CCBE1: variants seen among roughly 807,000 people sequenced by gnomAD.
CCBE1 encodes the protein collagen and calcium binding EGF domains 1.
A neutral mutation model predicts 50.0 loss-of-function variants in CCBE1; 37 were observed. The observed-to-expected ratio is 0.74, with a 90% confidence interval of 0.57 to 0.97. The LOEUF is 0.97. Among genes scored for constraint, CCBE1 ranks in the 50% least tolerant of loss-of-function variants. The probability of loss-of-function intolerance (pLI) is 0.00; values close to 1 mark genes in which losing one functional copy is unlikely to be tolerated. For synonymous variants in CCBE1, 234 were observed against 203.7 expected (o/e 1.15, Z -1.27); for missense variants, 538 against 523.8 (o/e 1.03, Z -0.26).
chr18:59,474,888 AT>A (rs1178379535), intron 3 of CCBE1, among the ~76,000 whole-genome samples: 2 of 152,134 alleles, frequency 1.3e-5, no homozygotes, highest in East Asian at 3.9e-4. Flanking sequence ...AACCTTTTGG[AT>A]TGTGCTAAGC....
rs763945366 is a variant in CCBE1 at position 59,447,997 on chromosome 18, C to G, written c.761G>C (p.Gly254Ala). Reference protein sequence around the residue: ...YLPGPPGLPGGQGPPGSPGPK... With the variant: ...YLPGPPGLPGAQGPPGSPGPK... The stretch of plus-strand genomic sequence containing the variant: ...TCCACACTCACCGGGAGGGCCCTGG[C>G]CCCCAGGCAGGCCAGGAGGTCCTGG... Residue 254 changes from glycine to alanine, a missense_variant, in exon 7 of 11, where the codon GGC (glycine) becomes GCC (alanine). By Grantham distance (60) the Gly-to-Ala change is moderately conservative. Coordinates refer to ENST00000439986, the MANE Select transcript of CCBE1 (RefSeq NM_133459.4). 1.2e-6 allele frequency: 2 copies of G among 1,613,534 alleles called. No individual in the cohort carries two copies. Among genetic ancestry groups the G allele is most frequent in the Non-Finnish European group, 1.7e-6 (2 of 1,179,470 alleles).
At chr18:59,594,879 C>T (rs185346755) in intron 2 of CCBE1, among the ~76,000 whole-genome samples, 15 of 151,960 alleles carry the variant, frequency 9.9e-5, no homozygotes, top group Admixed American at 2.0e-4. Flanking sequence ...TTTGGGAGGC[C>T]GAGGAGGGTG....
In CCBE1 at chr18:59,435,545, C is replaced by A; in HGVS notation, c.*363G>T. On this transcript the variant is annotated 3_prime_UTR_variant, in exon 11 of 11. Transcript: ENST00000439986. ...TCTTAGAGCTCACTTTGTCATTTTC[C>A]CCCTTTTGATACTCTGCCAAATTTA... The A allele has an allele frequency of 3.2e-6, 1 of 309,546 alleles. No homozygotes were observed. The highest frequency in any genetic ancestry group is 6.2e-6 in the Non-Finnish European group (1 of 161,712). The allele number at this position is 309,546 out of a possible 1,614,324, so 19.2% of individuals were successfully genotyped here.
At chr18:59,542,097 C>T (rs1277305834) in intron 2 of CCBE1, among the ~76,000 whole-genome samples, 2 of 150,402 alleles carry the variant, frequency 1.3e-5, no homozygotes, top group African/African-American at 4.9e-5. Context: ...TCACCTGAGC[C>T]CAGGAGGTCG....
intron 6 of CCBE1, among the ~76,000 whole-genome samples, chr18:59,450,295 C>G (rs532346039): frequency 6.6e-6 from 1 of 152,282 alleles, no homozygotes; most frequent in South Asian, 2.1e-4. Flanking sequence ...AGAGCTCTTT[C>G]TAGATGGATG....
intron 2 of CCBE1, among the ~76,000 whole-genome samples, chr18:59,597,575 GTAGAAGAAAGGTGAGTTGGTTA>G (rs2053371528): frequency 6.6e-6 from 1 of 152,084 alleles, no homozygotes; most frequent in Non-Finnish European, 1.5e-5. Flanking sequence ...AGTAGTAGTA[GTAGAAGAAAGGTGAGTTGGTTA>G]ATGAAGAAAA....
At chr18:59,565,586 T>C (rs753612893) in intron 2 of CCBE1, among the ~76,000 whole-genome samples, 26 of 152,278 alleles carry the variant, frequency 1.7e-4, no homozygotes, top group Non-Finnish European at 3.1e-4. Context: ...GTAATTTGCC[T>C]GGCCCAGTGC....
chr18:59,547,480 AG>A, intron 2 of CCBE1, among the ~76,000 whole-genome samples: 1 of 152,116 alleles, frequency 6.6e-6, no homozygotes, highest in Non-Finnish European at 1.5e-5. Context: ...CCCCAGGGAG[AG>A]GGCAGCTTTG....
At chr18:59,647,117 G>T (rs751940414) in intron 2 of CCBE1, among the ~76,000 whole-genome samples, 1 of 152,178 alleles carries the variant, frequency 6.6e-6, no homozygotes, top group Non-Finnish European at 1.5e-5. Flanking sequence ...CTTAGTAATA[G>T]TTTCCCAGAC....
chr18:59,667,487 C>T (rs531715979), intron 2 of CCBE1, among the ~76,000 whole-genome samples: 4 of 152,244 alleles, frequency 2.6e-5, no homozygotes, highest in Admixed American at 2.6e-4. Flanking sequence ...ACTGCTACCC[C>T]ATCACCTGAA....
intron 2 of CCBE1, among the ~76,000 whole-genome samples, chr18:59,596,386 G>T (rs1301075598): frequency 6.6e-6 from 1 of 152,112 alleles, no homozygotes; most frequent in Non-Finnish European, 1.5e-5. Flanking sequence ...CAACACTGAA[G>T]GTGTCACGGG....
intron 2 of CCBE1, among the ~76,000 whole-genome samples, chr18:59,501,833 G>T (rs937612208): frequency 6.6e-6 from 1 of 152,156 alleles, no homozygotes; most frequent in Non-Finnish European, 1.5e-5. Context: ...TTGAGACAGG[G>T]TCTCACTCTG....
At chr18:59,582,258 C>CT (rs1226937813) in intron 2 of CCBE1, among the ~76,000 whole-genome samples, 5 of 152,192 alleles carry the variant, frequency 3.3e-5, no homozygotes, top group African/African-American at 1.2e-4. Flanking sequence ...CTTTCTTATA[C>CT]TTTCTCCTGA....
rs1036043146 is a variant in CCBE1, at chr18:59,448,060, A to G, written c.698T>C (p.Ile233Thr). Residue 233 changes from isoleucine to threonine, a missense_variant, in exon 7 of 11, where the codon ATC (isoleucine) becomes ACC (threonine). By Grantham distance (89) the Ile-to-Thr change is moderately conservative. Coordinates refer to ENST00000439986, the MANE Select transcript of CCBE1 (RefSeq NM_133459.4). ...PNNAADLGKY[I>T]TGDKVLASNT... The stretch of plus-strand genomic sequence containing the variant: ...TGAGGCCAGCACCTTGTCACCAGTG[A>G]TATACTTGCCCAGGTCAGCTGCATT... The G allele has an allele frequency of 3.7e-6, 6 of 1,613,916 alleles. No homozygotes were observed. The African/African-American group carries it at 5.3e-5, about 14-fold the overall frequency.
chr18:59,642,532 C>A (rs890293193), intron 2 of CCBE1, among the ~76,000 whole-genome samples: 1 of 152,190 alleles, frequency 6.6e-6, no homozygotes, highest in Admixed American at 6.5e-5. Flanking sequence ...TTCACAGCAG[C>A]AGTGTCATAA....
At chr18:59,613,791 C>T (rs1311230304) in intron 2 of CCBE1, among the ~76,000 whole-genome samples, 1 of 151,068 alleles carries the variant, frequency 6.6e-6, no homozygotes, top group African/African-American at 2.4e-5. Flanking sequence ...CTTTCACAAT[C>T]CCACACTTGT....
intron 2 of CCBE1, among the ~76,000 whole-genome samples, chr18:59,600,827 C>T (rs1268865809): frequency 6.6e-6 from 1 of 152,026 alleles, no homozygotes; most frequent in Non-Finnish European, 1.5e-5. Context: ...CACCTCATCC[C>T]CTAGCCTTGG....
At chr18:59,543,857 A>AT (rs1915579925) in intron 2 of CCBE1, among the ~76,000 whole-genome samples, 1 of 151,328 alleles carries the variant, frequency 6.6e-6, no homozygotes, top group Admixed American at 6.6e-5. Context: ...AAAAAAAAAA[A>AT]ACAGAAAACA....
At chr18:59,621,366 G>T (rs914331242) in intron 2 of CCBE1, among the ~76,000 whole-genome samples, 2 of 152,148 alleles carry the variant, frequency 1.3e-5, no homozygotes, top group Admixed American at 6.5e-5. Flanking sequence ...CATCTTTCTA[G>T]GTGTCCCCAC....
Sources: gnomAD v4.1 joint callset for allele counts (sites outside exome capture counted in the v4.1 genomes callset) on GRCh38, gnomAD v4.1.1 for gene constraint, MANE v1.5 for transcripts, NCBI Gene and HGNC (gene_info 2026-07-23, HGNC 2026-07-21) for gene names.